Variants in ABLIM1 observed in about 807,000 individuals in gnomAD.
The protein encoded by ABLIM1 is actin-binding LIM protein 1.
ABLIM1 carries 40 observed loss-of-function variants against 107.0 expected under a neutral mutation model. The ratio of observed to expected loss-of-function variants is 0.37; its 90% CI spans 0.29 to 0.49. The LOEUF is 0.49. Among genes scored for constraint, ABLIM1 ranks in the 20% least tolerant of loss-of-function variants. ABLIM1 has a pLI of 0.97. For synonymous variants in ABLIM1, 357 were observed against 357.3 expected, an observed-to-expected ratio of 1.00 and a Z score of 0.01; for missense variants, 857 against 1,008.5, an observed-to-expected ratio of 0.85 and a Z score of 2.04.
rs2077302909 is a variant in ABLIM1 at position 114,619,044 on chromosome 10, C to G, written c.245-17083G>C. ...TTTCAAGTCAAGATAGGGGTGATGA[C>G]AGACATGCCCTGCACCCAAGGAATG... On this transcript the variant is annotated intron_variant, in intron 1 of 22. Coordinates refer to ENST00000533213, the MANE Select transcript of ABLIM1 (RefSeq NM_002313.7). The surrounding 1 kb of genome is among the most constrained non-coding windows in gnomAD (Gnocchi z 4.1). 6.6e-6 allele frequency among the ~76,000 whole-genome samples: 1 copy of G among 152,114 alleles called. No homozygotes were observed. The highest frequency in any genetic ancestry group is 1.5e-5 in the Non-Finnish European group (1 of 68,030).
chr10:114,599,634 A>C (rs914732171), intron 2 of ABLIM1, among the ~76,000 whole-genome samples: 3 of 151,800 alleles, frequency 2.0e-5, no homozygotes, highest in East Asian at 1.9e-4. Flanking sequence ...CACACACACA[A>C]AAATTAGCTG....
At chr10:114,730,789 A>C (rs1320213584) in intron 1 of ABLIM1, among the ~76,000 whole-genome samples, 1 of 152,072 alleles carries the variant, frequency 6.6e-6, no homozygotes, top group Non-Finnish European at 1.5e-5. Flanking sequence ...ACCAAAATAA[A>C]ACCTTGTGTC....
chr10:114,438,935 T>C (rs2059804049), intron 21 of ABLIM1, among the ~76,000 whole-genome samples: 1 of 152,204 alleles, frequency 6.6e-6, no homozygotes, highest in Non-Finnish European at 1.5e-5. Context: ...AGGGAATACC[T>C]TGGTCATAGG....
At chr10:114,490,559 C>A (rs1323035666) in intron 7 of ABLIM1, among the ~76,000 whole-genome samples, 10 of 152,106 alleles carry the variant, frequency 6.6e-5, no homozygotes. Flanking sequence ...ACGGAACGAG[C>A]AATAGCTCTT....
intron 1 of ABLIM1, among the ~76,000 whole-genome samples, chr10:114,695,066 T>C (rs1259709290): frequency 2.0e-5 from 3 of 152,216 alleles, no homozygotes; most frequent in Non-Finnish European, 2.9e-5. Context: ...TGGTATGTAC[T>C]GAGAGTTTAG....
At chr10:114,490,872 T>A (rs1465638077) in intron 7 of ABLIM1, among the ~76,000 whole-genome samples, 1 of 150,536 alleles carries the variant, frequency 6.6e-6, no homozygotes, top group Middle Eastern at 3.6e-3. Context: ...TCTCGCTATA[T>A]TGCCCAGGCA....
At chr10:114,457,907 TC>T (rs1453664872) in intron 12 of ABLIM1, among the ~76,000 whole-genome samples, 1 of 152,046 alleles carries the variant, frequency 6.6e-6, no homozygotes, top group Admixed American at 6.5e-5. Flanking sequence ...CCCTGTCTCT[TC>T]TAAAAATACA....
chr10:114,593,193 T>A (rs950571168), intron 2 of ABLIM1, among the ~76,000 whole-genome samples: 8 of 152,222 alleles, frequency 5.3e-5, no homozygotes, highest in Non-Finnish European at 8.8e-5. Context: ...TTTTCTTAGA[T>A]AATTTGTTCT....
At chr10:114,583,262 C>T (rs958217741) in intron 2 of ABLIM1, among the ~76,000 whole-genome samples, 1 of 150,996 alleles carries the variant, frequency 6.6e-6, no homozygotes, top group Non-Finnish European at 1.5e-5. Context: ...TGCTCAACAT[C>T]ACTAATCATC....
At chr10:114,520,648 G>A (rs1417861065) in intron 6 of ABLIM1, among the ~76,000 whole-genome samples, 4 of 151,414 alleles carry the variant, frequency 2.6e-5, no homozygotes, top group Non-Finnish European at 5.9e-5. Context: ...ACGTCCTATC[G>A]GTTAAAAAAA....
chr10:114,628,890 T>C (rs959955831), intron 1 of ABLIM1, among the ~76,000 whole-genome samples: 3 of 152,198 alleles, frequency 2.0e-5, no homozygotes, highest in African/African-American at 7.2e-5. Flanking sequence ...TAAATGAGTA[T>C]AGTGGGCCTC....
At chr10:114,797,906 A>G in the ABLIM1 span, among the ~76,000 whole-genome samples, 2 of 152,174 alleles carry the variant, frequency 1.3e-5, no homozygotes, top group East Asian at 1.9e-4. Context: ...TCTGAGTAAC[A>G]TAACACATTT....
chr10:114,704,300 C>CTATATA (rs1192514543), intron 1 of ABLIM1, among the ~76,000 whole-genome samples: 8 of 28,896 alleles, frequency 2.8e-4, no homozygotes, highest in South Asian at 1.2e-3. Flanking sequence ...CTCTCTCTCT[C>CTATATA]TCTATATATA....
chr10:114,768,724 C>A (rs531566007), upstream of ABLIM1, among the ~76,000 whole-genome samples: 164 of 152,128 alleles, frequency 1.1e-3, 2 homozygotes, highest in African/African-American at 3.9e-3. Context: ...CGTCAGGGTC[C>A]CCCCACCCAG....
chr10:114,444,040 G>C lies in ABLIM1; in HGVS notation c.1922C>G (p.Pro641Arg). The change falls in exon 17 of 23, where the codon CCC becomes CGC. Residue 641 changes from proline to arginine, a missense_variant. Physicochemically the swap from Pro to Arg is moderately radical, Grantham distance 103 (BLOSUM62 -2). Around this residue, in one of 5 missense-constraint regions of ABLIM1, gnomAD observed 193 missense variants for 208.5 expected, o/e 0.93. Coordinates refer to ENST00000533213, the MANE Select transcript of ABLIM1 (RefSeq NM_002313.7). ...GGTTTGCTGCTTACCTGAGTTGATG[G>C]GAGAATCGTAGCGACTGGCTAACAG... ...SSLLASRYDSPINSASHIPSS... is the reference protein window; with the variant it reads ...SSLLASRYDSRINSASHIPSS... The C allele has an allele frequency of 6.2e-7, 1 of 1,605,640 alleles. No homozygotes were observed. The highest frequency in any genetic ancestry group is 1.3e-5 in the African/African-American group (1 of 74,210).
intron 10 of ABLIM1, among the ~76,000 whole-genome samples, chr10:114,471,692 T>A (rs2066606663): frequency 6.6e-6 from 1 of 151,994 alleles, no homozygotes; most frequent in South Asian, 2.1e-4. Context: ...TAAACATAAA[T>A]ATAATTATCA....
At chr10:114,769,436 AAAGAAAGAAAG>A (rs2082988156), upstream of ABLIM1, among the ~76,000 whole-genome samples, 2 of 40,056 alleles carry the variant, frequency 5.0e-5, no homozygotes, top group Admixed American at 1.9e-4. Context: ...AGAAAGAAAG[AAAGAAAGAAAG>A]AAAGAAAGAA....
At chr10:114,722,312 G>C (rs1400126105) in intron 1 of ABLIM1, among the ~76,000 whole-genome samples, 1 of 152,078 alleles carries the variant, frequency 6.6e-6, no homozygotes, top group African/African-American at 2.4e-5. Context: ...GGAAGAGAAG[G>C]GGGAGGTGCT....
rs796421717 is a variant in ABLIM1 at position 114,707,991 on chromosome 10, T to C, written c.-213+60070A>G. Among the ~76,000 whole-genome samples, 3 of 152,356 alleles carry C rather than the reference T, an allele frequency of 2.0e-5. No homozygotes were observed. Among genetic ancestry groups the C allele is most frequent in the African/African-American group, 7.2e-5 (3 of 41,588 alleles). ...TGTACTAAGCCTTTATGCTAACCGCTGTTTTTCAAAGCCTGTCCTGGTGGC... is the reference window on the plus strand; with the variant it reads ...TGTACTAAGCCTTTATGCTAACCGCCGTTTTTCAAAGCCTGTCCTGGTGGC... On this transcript the variant is annotated intron_variant, in intron 1 of 15. Transcript: ENST00000651092. The surrounding 1 kb of genome is among the most constrained non-coding windows in gnomAD (Gnocchi z 4.1).
Sources: allele counts gnomAD v4.1 joint callset (sites outside exome capture counted in the v4.1 genomes callset), GRCh38; gene constraint gnomAD v4.1.1; regional missense constraint gnomAD v4.1.1; non-coding constraint Gnocchi (gnomAD v3.1); transcripts MANE v1.5; gene names NCBI Gene and HGNC (gene_info 2026-07-23, HGNC 2026-07-21).